Variants in CNTN5 observed in about 807,000 individuals in gnomAD.
CNTN5 encodes contactin 5, also known as contactin-5.
CNTN5 carries 77 observed loss-of-function variants against 129.1 expected under a neutral mutation model. The observed-to-expected ratio is 0.60, with a 90% CI of 0.50 to 0.72. The LOEUF is 0.72. Among genes scored for constraint, CNTN5 ranks in the 30% least tolerant of loss-of-function variants. The pLI, the probability that CNTN5 is intolerant of heterozygous loss-of-function variation, is 0.00. For missense variants in CNTN5, 1,478 were observed against 1,328.8 expected (o/e 1.11, Z -1.75); for synonymous variants, 509 against 465.6 (o/e 1.09, Z -1.20).
chr11:99,692,364 A>G (rs1954074722), intron 3 of CNTN5, among the ~76,000 whole-genome samples: 1 of 152,022 alleles, frequency 6.6e-6, no homozygotes, highest in South Asian at 2.1e-4. Context: ...GTGTTTTTGT[A>G]GTGGCTGGTA....
chr11:99,569,734 C>G (rs1032707759), intron 3 of CNTN5, among the ~76,000 whole-genome samples: 1 of 152,102 alleles, frequency 6.6e-6, no homozygotes, highest in Admixed American at 6.6e-5. Flanking sequence ...GAAATATTTA[C>G]TTTAATTTTT....
chr11:99,306,314 T>A (rs781686323), intron 1 of CNTN5, among the ~76,000 whole-genome samples: 1 of 152,192 alleles, frequency 6.6e-6, no homozygotes, highest in African/African-American at 2.4e-5. Context: ...ATTTTTCTCA[T>A]TTGTAGAATA....
intron 13 of CNTN5, among the ~76,000 whole-genome samples, chr11:100,133,061 G>T (rs1946423276): frequency 6.6e-6 from 1 of 151,946 alleles, no homozygotes; most frequent in Non-Finnish European, 1.5e-5. Flanking sequence ...TTACAAAATG[G>T]ACAGCATAAA....
chr11:99,762,047 G>T (rs1944599336), intron 3 of CNTN5, among the ~76,000 whole-genome samples: 1 of 109,544 alleles, frequency 9.1e-6, no homozygotes, highest in Non-Finnish European at 2.0e-5. Context: ...GTGTTTTTTG[G>T]CTGCATAAAT....
chr11:99,891,128 G>A (rs1949047648), intron 6 of CNTN5, among the ~76,000 whole-genome samples: 1 of 152,048 alleles, frequency 6.6e-6, no homozygotes, highest in African/African-American at 2.4e-5. Flanking sequence ...TAGGAAATCT[G>A]AATAAATTGT....
intron 7 of CNTN5, among the ~76,000 whole-genome samples, chr11:99,950,214 C>T (rs1420196758): frequency 6.6e-6 from 1 of 152,200 alleles, no homozygotes. Context: ...CACAGTGGCT[C>T]ACGCCTGTAA....
intron 16 of CNTN5, among the ~76,000 whole-genome samples, chr11:100,252,792 T>C (rs1334746440): frequency 2.0e-5 from 3 of 152,142 alleles, no homozygotes; most frequent in African/African-American, 7.2e-5. Flanking sequence ...CCTCTCTAAA[T>C]AGCTAATTTG....
intron 2 of CNTN5, among the ~76,000 whole-genome samples, chr11:99,541,953 T>G (rs1338115677): frequency 1.3e-5 from 1 of 78,664 alleles, no homozygotes; most frequent in East Asian, 2.6e-4. Context: ...GGAGATCTTG[T>G]CTCAAAAAAA....
chr11:99,076,216 C>T (rs2135265802), intron 1 of CNTN5, among the ~76,000 whole-genome samples: 1 of 151,984 alleles, frequency 6.6e-6, no homozygotes, highest in South Asian at 2.1e-4. Context: ...ATGCCTGTAA[C>T]CTCAGCTATT....
intron 1 of CNTN5, among the ~76,000 whole-genome samples, chr11:99,093,386 C>T (rs1866333388): frequency 6.6e-6 from 1 of 151,174 alleles, no homozygotes; most frequent in African/African-American, 2.4e-5. Flanking sequence ...ATAAGATAGT[C>T]TCTGTTGTAC....
intron 2 of CNTN5, among the ~76,000 whole-genome samples, chr11:99,351,552 A>ATATATAT (rs1938299721): frequency 6.6e-6 from 1 of 152,232 alleles, no homozygotes; most frequent in Non-Finnish European, 1.5e-5. Context: ...AACATATATA[A>ATATATAT]AATACCTAAG....
chr11:99,671,105 G>T (rs894220984), intron 3 of CNTN5, among the ~76,000 whole-genome samples: 1 of 150,646 alleles, frequency 6.6e-6, no homozygotes, highest in Admixed American at 6.6e-5. Flanking sequence ...TCGCTCGCTC[G>T]CTCGCTCTTG....
chr11:99,932,001 T>G, intron 7 of CNTN5, among the ~76,000 whole-genome samples: 1 of 152,186 alleles, frequency 6.6e-6, no homozygotes, highest in East Asian at 1.9e-4. Context: ...TTTAAGTTCC[T>G]TAACCTGGCA....
chr11:99,796,811 T>A (rs540561248), intron 3 of CNTN5, among the ~76,000 whole-genome samples: 2 of 152,100 alleles, frequency 1.3e-5, no homozygotes, highest in African/African-American at 4.8e-5. Flanking sequence ...CCAAATCCTC[T>A]GGGTGCTACA....
intron 1 of CNTN5, among the ~76,000 whole-genome samples, chr11:99,243,736 A>ATTTTTTTTTTTTTTTTTTTT (rs35250111): frequency 8.5e-6 from 1 of 117,692 alleles, no homozygotes; most frequent in Non-Finnish European, 1.8e-5. Context: ...CCTATTGCTT[A>ATTTTTTTTTTTTTTTTTTTT]TTTTTTTTTT....
chr11:100,304,125 C>G (rs1405311250), intron 20 of CNTN5, among the ~76,000 whole-genome samples: 3 of 151,576 alleles, frequency 2.0e-5, no homozygotes, highest in East Asian at 3.9e-4. Context: ...CATCGAAATT[C>G]ATGAACACGG....
At chr11:100,006,803 C>T (rs1010449755) in intron 9 of CNTN5, among the ~76,000 whole-genome samples, 1 of 152,040 alleles carries the variant, frequency 6.6e-6, no homozygotes, top group Non-Finnish European at 1.5e-5. Flanking sequence ...AGAAGGTTTA[C>T]AATTTACTTT....
At chr11:99,822,448 A>G (rs1946831393) in intron 4 of CNTN5, among the ~76,000 whole-genome samples, 1 of 152,228 alleles carries the variant, frequency 6.6e-6, no homozygotes, top group African/African-American at 2.4e-5. Context: ...AGACCTCAAA[A>G]TAGAGAGTGA....
At chr11:100,249,365 C>A (rs946745354) in intron 16 of CNTN5, among the ~76,000 whole-genome samples, 2 of 152,104 alleles carry the variant, frequency 1.3e-5, no homozygotes, top group African/African-American at 4.8e-5. Context: ...AGATTGAATC[C>A]ATGAGAACAT....
Sources: gnomAD v4.1 joint callset for allele counts (sites outside exome capture counted in the v4.1 genomes callset) on GRCh38, gnomAD v4.1.1 for gene constraint, MANE v1.5 for transcripts, NCBI Gene and HGNC (gene_info 2026-07-23, HGNC 2026-07-21) for gene names.